CSMD3: variants seen among roughly 807,000 people sequenced by gnomAD.
The protein encoded by CSMD3 is CUB and sushi domain-containing protein 3.
Under a neutral mutation model 435.2 loss-of-function variants are expected in CSMD3, and 177 were observed. That is an observed-to-expected ratio of 0.41 (90% CI 0.36 to 0.46). The LOEUF (loss-of-function observed/expected upper bound fraction) is 0.46. Ranked by LOEUF, CSMD3 falls within the 20% of genes least tolerant of loss-of-function variation. CSMD3 has a pLI of 0.34. For missense variants in CSMD3, 4,265 were observed against 4,504.6 expected (o/e 0.95, Z 1.52); for synonymous variants, 1,656 against 1,520.5 (o/e 1.09, Z -2.07).
intron 5 of CSMD3, among the ~76,000 whole-genome samples, chr8:113,023,455 A>C (rs937134627): frequency 6.6e-6 from 1 of 151,858 alleles, no homozygotes; most frequent in African/African-American, 2.4e-5. Context: ...TCTTGCTTTT[A>C]AACCAGTTTT....
At chr8:112,893,719 T>C (rs1324114919) in intron 10 of CSMD3, among the ~76,000 whole-genome samples, 1 of 151,532 alleles carries the variant, frequency 6.6e-6, no homozygotes, top group African/African-American at 2.4e-5. Context: ...GTTTTATTTC[T>C]AATAGTGTGA....
chr8:113,428,698 A>AT (rs2094651565), intron 1 of CSMD3, among the ~76,000 whole-genome samples: 2 of 152,014 alleles, frequency 1.3e-5, no homozygotes, highest in Middle Eastern at 3.4e-3. Flanking sequence ...TTCCCAAAAC[A>AT]TAAGAATGTC....
At chr8:112,665,699 A>G (rs2075505232) in intron 17 of CSMD3, among the ~76,000 whole-genome samples, 1 of 152,168 alleles carries the variant, frequency 6.6e-6, no homozygotes, top group South Asian at 2.1e-4. Flanking sequence ...TCAATAACGT[A>G]AGAGAAGTTT....
Position 112,301,802 on chromosome 8 carries a change from T to C in CSMD3, c.8431A>G (p.Arg2811Gly), listed in dbSNP as rs1037766502. 3 of 1,613,598 alleles carry C rather than the reference T, an allele frequency of 1.9e-6. No individual in the cohort carries two copies. The highest frequency in any genetic ancestry group is 1.7e-6 in the Non-Finnish European group (2 of 1,179,636). Residue 2811 changes from arginine to glycine, a missense_variant, in exon 53 of 71, where the codon AGA becomes GGA. By Grantham distance (125) the Arg-to-Gly change is moderately radical. Coordinates refer to ENST00000297405, the MANE Select transcript of CSMD3 (RefSeq NM_198123.2). ...SSGLWSESET[R>G]CLAGHCGIPE... ...AATTAAAAATCTGTACCTAGGCATC[T>C]GGTTTCAGATTCACTCCAAAGACCT...
At chr8:113,312,726 C>T (rs1449803162) in intron 2 of CSMD3, 4 of 152,052 alleles carry the variant, frequency 2.6e-5, no homozygotes, top group Non-Finnish European at 4.4e-5. Flanking sequence ...AAAAATTGTA[C>T]TTCCACTTAT....
intron 14 of CSMD3, among the ~76,000 whole-genome samples, chr8:112,686,716 C>G (rs1237060811): frequency 6.6e-6 from 1 of 152,052 alleles, no homozygotes. Flanking sequence ...GAACGCCTGA[C>G]CTCAAGTGAT....
chr8:113,320,503 C>T (rs1206870065), intron 1 of CSMD3, among the ~76,000 whole-genome samples: 1 of 152,040 alleles, frequency 6.6e-6, no homozygotes, highest in East Asian at 1.9e-4. Context: ...AAACAACATT[C>T]ACACTTGTGT....
rs770354018 is a variant in CSMD3 at position 112,228,772 on chromosome 8, A to G, written c.10948T>C (p.Tyr3650His). 3.8e-6 allele frequency: 6 copies of G among 1,596,220 alleles called. No homozygotes were observed. The highest frequency in any genetic ancestry group is 5.2e-6 in the Non-Finnish European group (6 of 1,164,354). Residue 3650 changes from tyrosine to histidine, a missense_variant, in exon 70 of 71, where the codon TAT becomes CAT. By Grantham distance (83) the Tyr-to-His change is moderately conservative. Transcript: ENST00000297405. The part of the protein sequence containing the change: ...FALIFAGFGF[Y>H]LYKQRTAPKT... ...TGAGCTTACCTTTGTTTATAAAGAT[A>G]AAATCCAAATCCTGCAAATATAAGT...
intron 3 of CSMD3, among the ~76,000 whole-genome samples, chr8:113,200,038 A>G (rs1028158904): frequency 6.6e-6 from 1 of 151,892 alleles, no homozygotes; most frequent in African/African-American, 2.4e-5. Context: ...CCTGTTGAAC[A>G]TCTCCATTTA....
At chr8:113,267,566 G>A (rs1489191094) in intron 3 of CSMD3, among the ~76,000 whole-genome samples, 3 of 151,590 alleles carry the variant, frequency 2.0e-5, no homozygotes, top group Non-Finnish European at 3.0e-5. Context: ...GTAGATGGTG[G>A]GAAGATAGAA....
At chr8:112,506,234 A>C (rs1405937886) in intron 29 of CSMD3, among the ~76,000 whole-genome samples, 1 of 152,182 alleles carries the variant, frequency 6.6e-6, no homozygotes, top group Non-Finnish European at 1.5e-5. Context: ...AACTGGCCTC[A>C]GTACGTTAGA....
chr8:113,198,362 C>A (rs2092682383), intron 3 of CSMD3, among the ~76,000 whole-genome samples: 1 of 151,048 alleles, frequency 6.6e-6, no homozygotes, highest in South Asian at 2.1e-4. Flanking sequence ...ATGTATTATC[C>A]ATGTGGAATT....
intron 5 of CSMD3, among the ~76,000 whole-genome samples, chr8:113,028,515 T>C (rs1564227869): frequency 6.6e-6 from 1 of 151,634 alleles, no homozygotes; most frequent in South Asian, 2.1e-4. Flanking sequence ...AGATCTCTTA[T>C]GCCAAATTAG....
intron 10 of CSMD3, among the ~76,000 whole-genome samples, chr8:112,884,591 C>T (rs2081538128): frequency 6.6e-6 from 1 of 151,834 alleles, no homozygotes; most frequent in East Asian, 2.0e-4. Context: ...GACAATCAAA[C>T]TTGTTCCCAG....
intron 12 of CSMD3, among the ~76,000 whole-genome samples, chr8:112,803,769 G>A (rs1024733916): frequency 4.4e-4 from 67 of 152,294 alleles, no homozygotes; most frequent in Admixed American, 4.3e-3. Flanking sequence ...CTTGCCAGCT[G>A]ATATATCTCA....
chr8:112,552,476 C>A, intron 26 of CSMD3, 118 bp downstream of exon 26: 1 of 1,038,312 alleles, frequency 9.6e-7, no homozygotes, highest in Non-Finnish European at 1.4e-6. Context: ...CAGAGCAAGA[C>A]TCTGCCTCAA....
At chr8:112,509,962 A>T (rs1822932381) in intron 28 of CSMD3, among the ~76,000 whole-genome samples, 1 of 152,036 alleles carries the variant, frequency 6.6e-6, no homozygotes, top group Non-Finnish European at 1.5e-5. Context: ...CTCAACCTCA[A>T]ATTAAATTGG....
At chr8:112,240,893 C>T (rs887676995) in intron 66 of CSMD3, among the ~76,000 whole-genome samples, 11 of 151,904 alleles carry the variant, frequency 7.2e-5, no homozygotes, top group Non-Finnish European at 2.9e-5. Context: ...TCTCTTTGCC[C>T]GCTCGCATCC....
chr8:112,925,401 A>G (rs1312389967), intron 9 of CSMD3, among the ~76,000 whole-genome samples: 2 of 152,114 alleles, frequency 1.3e-5, no homozygotes, highest in East Asian at 3.9e-4. Context: ...TACTAAAAAT[A>G]AAAATAAAAA....
Sources: allele counts gnomAD v4.1 joint callset (sites outside exome capture counted in the v4.1 genomes callset), GRCh38; gene constraint gnomAD v4.1.1; transcripts MANE v1.5; gene names NCBI Gene and HGNC (gene_info 2026-07-23, HGNC 2026-07-21).